UBE2V2: variants seen among roughly 807,000 people sequenced by gnomAD.
UBE2V2 encodes the protein ubiquitin conjugating enzyme E2 V2.
Under a neutral mutation model 17.2 loss-of-function variants are expected in UBE2V2, and 9 were observed. The ratio of observed to expected loss-of-function variants is 0.52; its 90% CI spans 0.32 to 0.91. UBE2V2 has a LOEUF of 0.91. Ranked by LOEUF, UBE2V2 falls within the 40% of genes least tolerant of loss-of-function variation. UBE2V2 has a pLI of 0.04. For synonymous variants in UBE2V2, 61 were observed against 57.5 expected (o/e 1.06, Z -0.28); for missense variants, 133 against 182.6 (o/e 0.73, Z 1.56).
At chr8:48,024,059 G>C (rs1198781062) in intron 1 of UBE2V2, among the ~76,000 whole-genome samples, 2 of 152,154 alleles carry the variant, frequency 1.3e-5, no homozygotes, top group Non-Finnish European at 2.9e-5. Context: ...TGTGAGAGCA[G>C]ATGGTATTTT....
chr8:48,054,455 T>C (rs1397787155), intron 3 of UBE2V2, among the ~76,000 whole-genome samples: 2 of 152,202 alleles, frequency 1.3e-5, no homozygotes, highest in Non-Finnish European at 2.9e-5. Flanking sequence ...GAAAAATAAA[T>C]ACTGATTTTA....
rs773325522 is a variant in UBE2V2, at chr8:48,008,432, G to A, written c.-23G>A. On this transcript the variant is annotated 5_prime_UTR_variant, in exon 1 of 4. Transcript: ENST00000523111. ...GACGGTTCGTGCGTGCGTGCGGGCGGCTGCGTCGGGCTGCAGGAGAAGATG... is the reference window on the plus strand; with the variant it reads ...GACGGTTCGTGCGTGCGTGCGGGCGACTGCGTCGGGCTGCAGGAGAAGATG... The A allele has an allele frequency of 3.2e-6, 5 of 1,563,292 alleles. No homozygotes were observed. Among genetic ancestry groups the A allele is most frequent in the Non-Finnish European group, 4.3e-6 (5 of 1,157,418 alleles).
intron 1 of UBE2V2, among the ~76,000 whole-genome samples, chr8:48,013,704 T>A (rs7845046): frequency 0.97 from 147,067 of 152,310 alleles, 71,017 homozygotes; most frequent in East Asian, 1. Flanking sequence ...GTCTTTGAGT[T>A]ATGAGAAACT....
chr8:48,041,235 G>T (rs571857238), intron 1 of UBE2V2, among the ~76,000 whole-genome samples: 1 of 150,260 alleles, frequency 6.7e-6, no homozygotes, highest in East Asian at 2.0e-4. Flanking sequence ...GCAGTGGTGC[G>T]ATCTCGGCTC....
chr8:48,046,127 T>C (rs1212310119), intron 2 of UBE2V2, among the ~76,000 whole-genome samples: 1 of 147,582 alleles, frequency 6.8e-6, no homozygotes, highest in East Asian at 2.0e-4. Flanking sequence ...TGTATTTTTA[T>C]TTTTTTTTTT....
chr8:48,055,323 C>T (rs2091564872), intron 3 of UBE2V2, among the ~76,000 whole-genome samples: 1 of 151,772 alleles, frequency 6.6e-6, no homozygotes, highest in South Asian at 2.1e-4. Context: ...CCTCAGCCTC[C>T]CTAGTAGCTG....
upstream of UBE2V2, among the ~76,000 whole-genome samples, chr8:48,005,892 C>A (rs1194365980): frequency 3.3e-5 from 5 of 152,018 alleles, no homozygotes; most frequent in Non-Finnish European, 7.4e-5. Flanking sequence ...TGTTTAAGTT[C>A]TTTGTAGATT....
upstream of UBE2V2, among the ~76,000 whole-genome samples, chr8:48,003,868 A>G (rs546934852): frequency 2.0e-4 from 30 of 152,292 alleles, no homozygotes; most frequent in South Asian, 4.4e-3. Flanking sequence ...CAACCAGGGC[A>G]GTGGCAATAG....
chr8:48,009,139 C>T (rs1262668039), intron 1 of UBE2V2, among the ~76,000 whole-genome samples: 2 of 152,164 alleles, frequency 1.3e-5, no homozygotes, highest in African/African-American at 2.4e-5. Flanking sequence ...TGTTTGGTTT[C>T]CTGTGAGCAC....
chr8:48,035,109 T>TG (rs1563854414), intron 1 of UBE2V2: 79 of 320,716 alleles, frequency 2.5e-4, no homozygotes, highest in Middle Eastern at 3.0e-3. Context: ...TATTTATTCT[T>TG]TTTTTTTTTT....
intron 1 of UBE2V2, among the ~76,000 whole-genome samples, chr8:48,011,509 A>G (rs1264625545): frequency 2.6e-5 from 4 of 152,306 alleles, no homozygotes; most frequent in African/African-American, 7.2e-5. Context: ...AAGCCAAAGT[A>G]TCTCGATAAC....
chr8:48,024,407 C>G (rs531223728), intron 1 of UBE2V2, among the ~76,000 whole-genome samples: 1 of 152,034 alleles, frequency 6.6e-6, no homozygotes, highest in Admixed American at 6.6e-5. Context: ...ACCAGCCTGA[C>G]CAACATGGAG....
intron 1 of UBE2V2, among the ~76,000 whole-genome samples, chr8:48,023,408 G>C (rs926826857): frequency 5.9e-5 from 9 of 151,694 alleles, no homozygotes; most frequent in African/African-American, 1.9e-4. Flanking sequence ...TAGAGACGGG[G>C]TTTCACCATG....
At chr8:48,047,869 G>C (rs1211210168) in intron 2 of UBE2V2, among the ~76,000 whole-genome samples, 1 of 152,028 alleles carries the variant, frequency 6.6e-6, no homozygotes, top group Non-Finnish European at 1.5e-5. Flanking sequence ...AAATTTAGAG[G>C]GGATAAAATC....
chr8:47,998,071 C>A, the UBE2V2 span, among the ~76,000 whole-genome samples: 2 of 152,002 alleles, frequency 1.3e-5, no homozygotes, highest in Admixed American at 1.3e-4. Context: ...GACCACTTCC[C>A]ATTGCGGTGA....
intron 2 of UBE2V2, among the ~76,000 whole-genome samples, chr8:48,043,867 T>C (rs552983364): frequency 6.6e-6 from 1 of 152,204 alleles, no homozygotes; most frequent in Non-Finnish European, 1.5e-5. Context: ...TTGTCTTTCT[T>C]GGGTTTATGA....
the UBE2V2 span, among the ~76,000 whole-genome samples, chr8:48,003,189 G>A: frequency 6.9e-6 from 1 of 145,232 alleles, no homozygotes; most frequent in South Asian, 2.2e-4. Context: ...CAGCCTGGGC[G>A]ACAGAGCAAG....
At chr8:48,004,319 A>T (rs2091169750), upstream of UBE2V2, among the ~76,000 whole-genome samples, 1 of 152,198 alleles carries the variant, frequency 6.6e-6, no homozygotes, top group Admixed American at 6.6e-5. Context: ...AGAACTCAGC[A>T]GACAAACTTG....
At chr8:48,034,471 T>A (rs956273644) in intron 1 of UBE2V2, among the ~76,000 whole-genome samples, 1 of 152,166 alleles carries the variant, frequency 6.6e-6, no homozygotes, top group Admixed American at 6.6e-5. Context: ...ATTTTAAAAG[T>A]CAATTGTAGT....
Sources: gnomAD v4.1 joint callset for allele counts (sites outside exome capture counted in the v4.1 genomes callset) on GRCh38, gnomAD v4.1.1 for gene constraint, MANE v1.5 for transcripts, NCBI Gene and HGNC (gene_info 2026-07-23, HGNC 2026-07-21) for gene names.